Variants in SHTN1 observed in about 807,000 individuals in gnomAD.
The protein encoded by SHTN1 is shootin 1.
SHTN1 carries 42 observed loss-of-function variants against 83.1 expected under a neutral mutation model. The ratio of observed to expected loss-of-function variants is 0.51; its 90% CI spans 0.39 to 0.65. The LOEUF (loss-of-function observed/expected upper bound fraction) is 0.65, where lower values mean the gene tolerates loss of function less well. Ranked by LOEUF, SHTN1 falls within the 30% of genes least tolerant of loss-of-function variation. SHTN1 has a pLI of 0.00. For synonymous variants in SHTN1, 224 were observed against 247.7 expected, an observed-to-expected ratio of 0.90 and a Z score of 0.90; for missense variants, 622 against 737.8, an observed-to-expected ratio of 0.84 and a Z score of 1.82.
intron 1 of SHTN1, among the ~76,000 whole-genome samples, chr10:117,097,377 G>C (rs1853519275): frequency 6.6e-6 from 1 of 152,170 alleles, no homozygotes; most frequent in Non-Finnish European, 1.5e-5. Context: ...AAGGTGAAGA[G>C]AAAAAAGTAA....
intron 1 of SHTN1, among the ~76,000 whole-genome samples, chr10:117,119,703 A>G (rs1485003593): frequency 5.9e-5 from 9 of 152,232 alleles, no homozygotes. Flanking sequence ...CATCAAAAGT[A>G]TATCAAAGGG....
chr10:117,122,981 T>C (rs1589941638), intron 1 of SHTN1, among the ~76,000 whole-genome samples: 3 of 152,214 alleles, frequency 2.0e-5, no homozygotes, highest in Non-Finnish European at 4.4e-5. Flanking sequence ...TGGTGAGCAC[T>C]ACCATTCACT....
At chr10:116,996,194 GA>G (rs1297769530) in intron 1 of SHTN1, among the ~76,000 whole-genome samples, 1 of 152,096 alleles carries the variant, frequency 6.6e-6, no homozygotes, top group East Asian at 1.9e-4. Context: ...TAATAGTTCA[GA>G]AACTATAGTT....
chr10:116,952,350 C>G (rs1442973073), intron 5 of SHTN1, among the ~76,000 whole-genome samples: 1 of 152,078 alleles, frequency 6.6e-6, no homozygotes, highest in Admixed American at 6.6e-5. Context: ...AGGTGTAGTA[C>G]TAATTTCTTT....
At chr10:116,941,621 A>G (rs906295193) in intron 8 of SHTN1, among the ~76,000 whole-genome samples, 8 of 152,196 alleles carry the variant, frequency 5.3e-5, no homozygotes, top group Admixed American at 3.9e-4. Context: ...TGAACTGCAA[A>G]ATGATTTGCT....
chr10:117,103,255 A>C (rs890382314), intron 1 of SHTN1, among the ~76,000 whole-genome samples: 1 of 151,762 alleles, frequency 6.6e-6, no homozygotes, highest in African/African-American at 2.4e-5. Flanking sequence ...ACACCTGGCT[A>C]ATTTTTTATA....
chr10:116,949,869 A>T (rs924510603), intron 6 of SHTN1, among the ~76,000 whole-genome samples: 19 of 152,062 alleles, frequency 1.2e-4, no homozygotes, highest in Non-Finnish European at 2.1e-4. Context: ...AGTTTTTTTA[A>T]AAAAAAAGAA....
chr10:116,935,149 C>G (rs572777976), intron 9 of SHTN1, among the ~76,000 whole-genome samples: 14 of 152,048 alleles, frequency 9.2e-5, no homozygotes, highest in African/African-American at 1.5e-4. Flanking sequence ...GTGTGAATAC[C>G]CTTTATTTCT....
intron 2 of SHTN1, among the ~76,000 whole-genome samples, chr10:117,022,000 C>CA (rs1408503875): frequency 1.3e-5 from 2 of 152,128 alleles, no homozygotes; most frequent in Non-Finnish European, 1.5e-5. Context: ...TCATCCAACC[C>CA]AATAAGGCCT....
At chr10:117,112,069 A>G (rs1853775962) in intron 1 of SHTN1, among the ~76,000 whole-genome samples, 1 of 152,022 alleles carries the variant, frequency 6.6e-6, no homozygotes, top group Non-Finnish European at 1.5e-5. Flanking sequence ...GGATTCAAGC[A>G]ATCCTCCTGC....
chr10:117,091,635 C>A (rs1324924312), intron 1 of SHTN1, among the ~76,000 whole-genome samples: 1 of 152,204 alleles, frequency 6.6e-6, no homozygotes, highest in Non-Finnish European at 1.5e-5. Flanking sequence ...AATCCAAAGG[C>A]TTTGAGTTCC....
intron 1 of SHTN1, among the ~76,000 whole-genome samples, chr10:117,063,576 C>T (rs188371699): frequency 1.3e-5 from 2 of 152,254 alleles, no homozygotes; most frequent in Non-Finnish European, 2.9e-5. Flanking sequence ...TTTCTGTTTT[C>T]CTTATGTGCC....
At chr10:117,043,464 A>G (rs918008061) in intron 2 of SHTN1, among the ~76,000 whole-genome samples, 5 of 152,204 alleles carry the variant, frequency 3.3e-5, no homozygotes, top group African/African-American at 1.2e-4. Context: ...ATGTCACAAA[A>G]CTGCATACTT....
chr10:116,929,027 A>C (rs1175209280), intron 10 of SHTN1, among the ~76,000 whole-genome samples: 1 of 152,200 alleles, frequency 6.6e-6, no homozygotes, highest in Non-Finnish European at 1.5e-5. Flanking sequence ...TTAATTTTGG[A>C]TCAATTAAAA....
chr10:117,094,695 T>C (rs1210058576), intron 1 of SHTN1, among the ~76,000 whole-genome samples: 1 of 152,206 alleles, frequency 6.6e-6, no homozygotes, highest in East Asian at 1.9e-4. Context: ...TATATTATCA[T>C]TAAGTGAGTT....
chr10:116,891,558 C>T (rs757342524), intron 16 of SHTN1, among the ~76,000 whole-genome samples: 37 of 152,198 alleles, frequency 2.4e-4, no homozygotes, highest in Non-Finnish European at 4.7e-4. Context: ...CCTGGACAAA[C>T]TCCAAAGAGG....
chr10:116,958,631 AT>A, intron 4 of SHTN1, among the ~76,000 whole-genome samples: 1 of 152,310 alleles, frequency 6.6e-6, no homozygotes, highest in South Asian at 2.1e-4. Flanking sequence ...CCATCCTGGC[AT>A]TTAGAGCAAG....
intron 1 of SHTN1, among the ~76,000 whole-genome samples, chr10:116,992,197 C>A (rs1851462589): frequency 6.6e-6 from 1 of 152,066 alleles, no homozygotes; most frequent in Non-Finnish European, 1.5e-5. Context: ...CAAAGGCAAA[C>A]AGCACTAAAG....
chr10:116,917,947 T>C (rs1228893315), intron 12 of SHTN1, among the ~76,000 whole-genome samples: 2 of 152,204 alleles, frequency 1.3e-5, no homozygotes, highest in Non-Finnish European at 2.9e-5. Context: ...ACAAGCTTTC[T>C]CTCTTGCCGA....
Sources: gnomAD v4.1 joint callset for allele counts (sites outside exome capture counted in the v4.1 genomes callset) on GRCh38, gnomAD v4.1.1 for gene constraint, MANE v1.5 for transcripts, NCBI Gene and HGNC (gene_info 2026-07-23, HGNC 2026-07-21) for gene names.